Variants in MAP4K3 observed in about 807,000 individuals in gnomAD.
MAP4K3 encodes mitogen-activated protein kinase kinase kinase kinase 3, also known as MAPK/ERK kinase kinase kinase 3.
A neutral mutation model predicts 143.5 loss-of-function variants in MAP4K3; 94 were observed. The observed-to-expected ratio is 0.65, with a 90% CI of 0.55 to 0.78. The LOEUF is 0.78. Ranked by LOEUF, MAP4K3 falls within the 30% of genes least tolerant of loss-of-function variation. The pLI, the probability that MAP4K3 is intolerant of heterozygous loss-of-function variation, is 0.00. For synonymous variants in MAP4K3, 416 were observed against 347.2 expected, an observed-to-expected ratio of 1.20 and a Z score of -2.20; for missense variants, 1,077 against 1,068.1, an observed-to-expected ratio of 1.01 and a Z score of -0.12.
At chr2:39,306,222 T>C (rs572016044) in intron 15 of MAP4K3, among the ~76,000 whole-genome samples, 1 of 152,356 alleles carries the variant, frequency 6.6e-6, no homozygotes, top group South Asian at 2.1e-4. Context: ...ATTTAAAAAT[T>C]TGATTGTGTT....
intron 6 of MAP4K3, among the ~76,000 whole-genome samples, chr2:39,334,001 T>TGTGTGTG (rs759958395): frequency 3.8e-5 from 3 of 79,844 alleles, no homozygotes; most frequent in East Asian, 4.8e-4. Flanking sequence ...GTGTGTGTGT[T>TGTGTGTG]TTTAAAAGAA....
At chr2:39,307,775 A>G (rs1682767117) in intron 15 of MAP4K3, among the ~76,000 whole-genome samples, 168 bp downstream of exon 15, 1 of 152,132 alleles carries the variant, frequency 6.6e-6, no homozygotes, top group South Asian at 2.1e-4. Flanking sequence ...AGATATATAT[A>G]TGTAACTTGT....
chr2:39,307,254 C>G (rs1682743876), intron 15 of MAP4K3, among the ~76,000 whole-genome samples: 1 of 152,090 alleles, frequency 6.6e-6, no homozygotes, highest in African/African-American at 2.4e-5. Context: ...GAACTATTTA[C>G]TTAATAACAA....
intron 1 of MAP4K3, among the ~76,000 whole-genome samples, chr2:39,424,737 G>A (rs1452948521): frequency 6.7e-6 from 1 of 149,890 alleles, no homozygotes; most frequent in East Asian, 2.0e-4. Context: ...AAGCTGAGGT[G>A]AGAGAATCAC....
intron 6 of MAP4K3, among the ~76,000 whole-genome samples, chr2:39,334,631 T>C (rs1370149722): frequency 6.6e-6 from 1 of 152,160 alleles, no homozygotes; most frequent in Non-Finnish European, 1.5e-5. Flanking sequence ...CAGTTTGGCC[T>C]TTCTTCAGCT....
chr2:39,265,324 TAA>T lies in MAP4K3; in HGVS notation c.2033-20_2033-19del. ...ATTTCTTACTGTCAAAGCAAAAATATAAATGAGTTCTCTTATAAAACAAAGTC... is the reference window on the plus strand; with the variant it reads ...ATTTCTTACTGTCAAAGCAAAAATATATGAGTTCTCTTATAAAACAAAGTC... On this transcript the variant is annotated intron_variant, in intron 27 of 33. Transcript: ENST00000263881. 1.4e-6 allele frequency: 2 copies of T among 1,409,136 alleles called. No individual in the cohort carries two copies. Among genetic ancestry groups the T allele is most frequent in the Non-Finnish European group, 2.0e-6 (2 of 994,424 alleles). The allele number at this position is 1,409,136 out of a possible 1,614,324, so 87.3% of individuals were successfully genotyped here. A position where few individuals can be genotyped will look rare whatever the true frequency, so the allele number is the denominator to read the frequency against.
At chr2:39,392,585 A>T (rs1429599029) in intron 1 of MAP4K3, among the ~76,000 whole-genome samples, 1 of 152,200 alleles carries the variant, frequency 6.6e-6, no homozygotes, top group Non-Finnish European at 1.5e-5. Context: ...TTGCTGAGAA[A>T]AATGTTTACA....
chr2:39,334,566 C>T (rs1051933244), intron 6 of MAP4K3, among the ~76,000 whole-genome samples: 1 of 152,132 alleles, frequency 6.6e-6, no homozygotes, highest in Non-Finnish European at 1.5e-5. Context: ...AGACTAGGAG[C>T]AGGGATTTTA....
chr2:39,315,161 T>C (rs1463250005), intron 13 of MAP4K3, 149 bp downstream of exon 13: 24 of 524,490 alleles, frequency 4.6e-5, no homozygotes, highest in Admixed American at 2.6e-4. Context: ...ATAAGGAAAA[T>C]GAAATTCTTA....
intron 26 of MAP4K3, among the ~76,000 whole-genome samples, chr2:39,271,051 T>C (rs1315168428): frequency 2.0e-5 from 3 of 151,676 alleles, no homozygotes; most frequent in South Asian, 4.2e-4. Flanking sequence ...TGGGGAAAGG[T>C]TGTATAATTT....
chr2:39,302,197 A>T (rs1682541676), intron 15 of MAP4K3, among the ~76,000 whole-genome samples: 1 of 152,168 alleles, frequency 6.6e-6, no homozygotes. Flanking sequence ...TTGTAGATAC[A>T]TCCAAGTCCG....
intron 15 of MAP4K3, among the ~76,000 whole-genome samples, chr2:39,301,916 C>T (rs1048627416): frequency 3.6e-4 from 54 of 151,878 alleles, no homozygotes; most frequent in Non-Finnish European, 3.1e-4. Context: ...CCCAGCTACT[C>T]GGGAGGCTGA....
At chr2:39,435,241 G>A (rs141534396) in intron 1 of MAP4K3, among the ~76,000 whole-genome samples, 8 of 152,102 alleles carry the variant, frequency 5.3e-5, no homozygotes, top group African/African-American at 1.7e-4. Context: ...CACTCTTCAT[G>A]CTGTAGTAGG....
chr2:39,362,429 C>G (rs1665796652), intron 2 of MAP4K3, among the ~76,000 whole-genome samples: 1 of 152,050 alleles, frequency 6.6e-6, no homozygotes, highest in South Asian at 2.1e-4. Context: ...TATACACTAA[C>G]AACAATCTGA....
intron 29 of MAP4K3, among the ~76,000 whole-genome samples, chr2:39,259,520 G>A (rs1413877818): frequency 2.0e-5 from 3 of 152,086 alleles, no homozygotes; most frequent in Admixed American, 1.3e-4. Context: ...CAAATTTTCA[G>A]GTATACACCA....
intron 29 of MAP4K3, 133 bp from the exon 30 acceptor site, chr2:39,258,720 T>G: frequency 1.4e-6 from 1 of 700,148 alleles, no homozygotes; most frequent in Non-Finnish European, 2.5e-6. Context: ...ATGTAGTGAC[T>G]GAGCCAGGCT....
At chr2:39,402,302 G>C (rs1019171453) in intron 1 of MAP4K3, among the ~76,000 whole-genome samples, 1 of 152,030 alleles carries the variant, frequency 6.6e-6, no homozygotes, top group African/African-American at 2.4e-5. Flanking sequence ...ATAACTTCAA[G>C]TAGACTAAGA....
chr2:39,436,903 CGCCGTAGGT>C lies in MAP4K3; in HGVS notation c.76_84del (p.Thr26_Gly28del). The C allele has an allele frequency of 6.2e-7, 1 of 1,610,896 alleles. No homozygotes were observed. On this transcript the variant is annotated inframe_deletion, in exon 1 of 34. Transcript: ENST00000263881. ...GCCCCTGCCTTTACCTTGTAGACGTCGCCGTAGGTGCCGCTGCCGATGCGCTGAATCAGC... is the reference window on the plus strand; with the variant it reads ...GCCCCTGCCTTTACCTTGTAGACGTCGCCGCTGCCGATGCGCTGAATCAGC...
At chr2:39,277,864 C>T (rs953946223) in intron 24 of MAP4K3, among the ~76,000 whole-genome samples, 1 of 151,596 alleles carries the variant, frequency 6.6e-6, no homozygotes, top group Admixed American at 6.6e-5. Context: ...CCATGCTCGG[C>T]GTCATGAGGA....
Sources: allele counts gnomAD v4.1 joint callset (sites outside exome capture counted in the v4.1 genomes callset), GRCh38; gene constraint gnomAD v4.1.1; transcripts MANE v1.5; gene names NCBI Gene and HGNC (gene_info 2026-07-23, HGNC 2026-07-21).